The following CACNA1A variants were observed in gnomAD, a reference collection of about 807,000 sequenced individuals.
The protein encoded by CACNA1A is calcium voltage-gated channel subunit alpha1 A, also known as voltage-dependent P/Q-type calcium channel subunit alpha-1A.
A neutral mutation model predicts 262.4 loss-of-function variants in CACNA1A; 57 were observed. That is an observed-to-expected ratio of 0.22 (90% CI 0.18 to 0.27). The LOEUF is 0.27. Ranked by LOEUF, CACNA1A falls within the 10% of genes least tolerant of loss-of-function variation. The pLI, the probability that CACNA1A is intolerant of heterozygous loss-of-function variation, is 1.00. For missense variants in CACNA1A, 2,526 were observed against 3,562.8 expected (o/e 0.71, Z 7.41); for synonymous variants, 1,431 against 1,419.3 (o/e 1.01, Z -0.18).
intron 30 of CACNA1A, among the ~76,000 whole-genome samples, chr19:13,248,333 T>G (rs2056303583): frequency 7.2e-6 from 1 of 139,450 alleles, no homozygotes; most frequent in African/African-American, 2.7e-5. Flanking sequence ...TCCAGCACTT[T>G]GGGAGGCCAA....
At chr19:13,288,961 T>C (rs145050596) in intron 19 of CACNA1A, among the ~76,000 whole-genome samples, 1 of 152,198 alleles carries the variant, frequency 6.6e-6, no homozygotes, top group African/African-American at 2.4e-5. Flanking sequence ...AGTAGGTAAG[T>C]GGGATGCTTC....
At chr19:13,294,971 CT>C (rs911944290) in intron 19 of CACNA1A, among the ~76,000 whole-genome samples, 1 of 152,196 alleles carries the variant, frequency 6.6e-6, no homozygotes, top group African/African-American at 2.4e-5. Context: ...AACTGGCCTC[CT>C]TCTGGTCCAC....
At chr19:13,426,279 T>C (rs1286884585) in intron 3 of CACNA1A, among the ~76,000 whole-genome samples, 1 of 152,242 alleles carries the variant, frequency 6.6e-6, no homozygotes, top group African/African-American at 2.4e-5. Context: ...CCTTTTCTTT[T>C]GCATATTATA....
chr19:13,381,409 A>C lies in CACNA1A; in HGVS notation c.540-9630T>G, dbSNP rs530287046. On this transcript the variant is annotated intron_variant, in intron 3 of 46. Transcript: ENST00000360228. ...GCGAGACCCTGTATCTTAAGAGATA[A>C]AAGATATTTTGCACATGGTTTTCCT... Among the ~76,000 whole-genome samples the C allele has an allele frequency of 3.4e-5, 5 of 147,968 alleles. No homozygotes were observed. In the South Asian group the frequency reaches 1.1e-3, roughly 31 times the overall value.
chr19:13,270,603 A>G (rs1014320047), intron 24 of CACNA1A, among the ~76,000 whole-genome samples: 4 of 152,358 alleles, frequency 2.6e-5, no homozygotes, highest in Admixed American at 6.5e-5. Flanking sequence ...TTTAGGGAAA[A>G]AAGCAGTAGC....
At chr19:13,435,489 G>GAGACC (rs1457668812) in intron 3 of CACNA1A, among the ~76,000 whole-genome samples, 1 of 152,084 alleles carries the variant, frequency 6.6e-6, no homozygotes, top group Non-Finnish European at 1.5e-5. Context: ...GGCTCAGAGA[G>GAGACC]ACAACAGTCT....
At chr19:13,253,308 C>T (rs1245841082) in intron 29 of CACNA1A, among the ~76,000 whole-genome samples, 5 of 105,144 alleles carry the variant, frequency 4.8e-5, no homozygotes, top group African/African-American at 1.8e-4. Flanking sequence ...ACAAAAACCT[C>T]CCCCAACCTT....
intron 30 of CACNA1A, among the ~76,000 whole-genome samples, chr19:13,248,409 C>CAAAAAAAAAAAAAAAAAAAAA: frequency 1.7e-5 from 1 of 58,844 alleles, no homozygotes; most frequent in Non-Finnish European, 3.2e-5. Context: ...GATCCCATCT[C>CAAAAAAAAAAAAAAAAAAAAA]AAAAAAAAAA....
At chr19:13,247,741 T>TAAATAAATAAAAAAAA (rs1199585913) in intron 30 of CACNA1A, among the ~76,000 whole-genome samples, 9 of 151,512 alleles carry the variant, frequency 5.9e-5, no homozygotes, top group African/African-American at 1.9e-4. Context: ...AATAAATAAA[T>TAAATAAATAAAAAAAA]AAAAAGGAAT....
intron 22 of CACNA1A, among the ~76,000 whole-genome samples, chr19:13,281,818 G>A (rs934843036): frequency 1.3e-5 from 2 of 152,222 alleles, no homozygotes; most frequent in Non-Finnish European, 2.9e-5. Context: ...GACGAGGGAG[G>A]GGGCCGGGGA....
intron 1 of CACNA1A, among the ~76,000 whole-genome samples, chr19:13,493,128 C>A (rs1349446953): frequency 6.6e-6 from 1 of 152,158 alleles, no homozygotes; most frequent in East Asian, 1.9e-4. Context: ...ATATTTACAT[C>A]AACGAATCTG....
intron 30 of CACNA1A, among the ~76,000 whole-genome samples, chr19:13,250,807 A>G (rs1443398688): frequency 6.6e-6 from 1 of 152,216 alleles, no homozygotes; most frequent in South Asian, 2.1e-4. Context: ...AAGGGCTTCA[A>G]GGTTACCTTT....
At chr19:13,416,291 T>TG (rs2060220088) in intron 3 of CACNA1A, among the ~76,000 whole-genome samples, 1 of 151,936 alleles carries the variant, frequency 6.6e-6, no homozygotes, top group African/African-American at 2.4e-5. Context: ...TTTATAGAGA[T>TG]GGGGTCTTCC....
At chr19:13,289,588 C>T (rs1440844936) in intron 19 of CACNA1A, among the ~76,000 whole-genome samples, 1 of 152,120 alleles carries the variant, frequency 6.6e-6, no homozygotes, top group African/African-American at 2.4e-5. Flanking sequence ...GATCCTGGAC[C>T]TTCTTTACCA....
At chr19:13,474,092 G>A (rs1039152646) in intron 1 of CACNA1A, among the ~76,000 whole-genome samples, 5 of 152,186 alleles carry the variant, frequency 3.3e-5, no homozygotes, top group African/African-American at 9.7e-5. Context: ...TTTTACTTTT[G>A]CAAACTCTAT....
chr19:13,402,801 CATAT>C (rs370175047), intron 3 of CACNA1A, among the ~76,000 whole-genome samples: 22 of 131,792 alleles, frequency 1.7e-4, no homozygotes, highest in African/African-American at 5.4e-4. Context: ...TATATACACA[CATAT>C]ATATATACAT....
chr19:13,445,555 G>A (rs1009417846), intron 3 of CACNA1A, among the ~76,000 whole-genome samples: 2 of 151,804 alleles, frequency 1.3e-5, no homozygotes, highest in Admixed American at 6.6e-5. Context: ...CTAACCCTGT[G>A]AATAAAAAAG....
chr19:13,397,068 C>T (rs1334773193), intron 3 of CACNA1A, among the ~76,000 whole-genome samples: 1 of 152,168 alleles, frequency 6.6e-6, no homozygotes, highest in African/African-American at 2.4e-5. Flanking sequence ...ATGGCATGGT[C>T]TTCTTTTGAA....
At chr19:13,484,183 C>T (rs1208845386) in intron 1 of CACNA1A, among the ~76,000 whole-genome samples, 2 of 152,162 alleles carry the variant, frequency 1.3e-5, no homozygotes, top group East Asian at 3.8e-4. Context: ...CACTTCTCCC[C>T]CACCAATTCC....
Sources: allele counts gnomAD v4.1 joint callset (sites outside exome capture counted in the v4.1 genomes callset), GRCh38; gene constraint gnomAD v4.1.1; transcripts MANE v1.5; gene names NCBI Gene and HGNC (gene_info 2026-07-23, HGNC 2026-07-21).